The following YTHDF1 variants were observed in gnomAD, a reference collection of about 807,000 sequenced individuals.
The protein encoded by YTHDF1 is YTH domain-containing family protein 1.
YTHDF1 carries 16 observed loss-of-function variants against 49.1 expected under a neutral mutation model. The observed-to-expected ratio is 0.33, with a 90% CI of 0.22 to 0.49. The LOEUF (loss-of-function observed/expected upper bound fraction) is 0.49, where lower values mean the gene tolerates loss of function less well. YTHDF1 is among the 20% of genes least tolerant of loss of function. YTHDF1 has a pLI of 0.99. For synonymous variants in YTHDF1, 313 were observed against 290.1 expected (o/e 1.08, Z -0.80); for missense variants, 621 against 744.3 (o/e 0.83, Z 1.93).
At chr20:63,209,600 T>C (rs764264880) in intron 3 of YTHDF1, among the ~76,000 whole-genome samples, 35 of 151,810 alleles carry the variant, frequency 2.3e-4, no homozygotes, top group Non-Finnish European at 8.8e-5. Flanking sequence ...TGAGACCCCA[T>C]CTCTACAAAA....
At chr20:63,197,402 C>A (rs2066496880) in intron 4 of YTHDF1, among the ~76,000 whole-genome samples, 1 of 152,182 alleles carries the variant, frequency 6.6e-6, no homozygotes, top group Admixed American at 6.5e-5. Context: ...CTGCCCACTC[C>A]CGTAAGAGAA....
chr20:63,212,049 C>T (rs574490897), intron 3 of YTHDF1, among the ~76,000 whole-genome samples: 3 of 151,816 alleles, frequency 2.0e-5, no homozygotes, highest in East Asian at 1.9e-4. Flanking sequence ...CCTTTATTGG[C>T]TAAAATTCAG....
At position 63,202,681 on chromosome 20, in the gene YTHDF1, C is replaced by T; in HGVS notation, c.1259G>A (p.Arg420His). The change falls in exon 4 of 5, where the codon CGC becomes CAC. Residue 420 changes from arginine (R) to histidine (H), a missense_variant. Transcript: ENST00000370339. Reference protein sequence around the residue: ...IWCSTEHGNKRLDSAFRCMSS... With the variant: ...IWCSTEHGNKHLDSAFRCMSS... Reference sequence around the variant, plus strand: ...CATGCAGCGGAAGGCGCTGTCCAGGCGCTTGTTGCCGTGCTCTGTGCTACA... The same window carrying T: ...CATGCAGCGGAAGGCGCTGTCCAGGTGCTTGTTGCCGTGCTCTGTGCTACA... The T allele has an allele frequency of 6.2e-7, 1 of 1,614,016 alleles. No homozygotes were observed. The highest frequency in any genetic ancestry group is 8.5e-7 in the Non-Finnish European group (1 of 1,180,046).
At chr20:63,211,498 A>G (rs1165130756) in intron 3 of YTHDF1, among the ~76,000 whole-genome samples, 1 of 152,202 alleles carries the variant, frequency 6.6e-6, no homozygotes, top group Admixed American at 6.5e-5. Flanking sequence ...TGATATGCCC[A>G]CTATCTTAAC....
rs1224425784 is a variant in YTHDF1, at chr20:63,203,124, G to A, written c.816C>T (p.Gly272=). ...PPPIKHNMDI[G]TWDNKGPVPK... ...GCACAGGCCCCTTGTTATCCCAGGT[G>A]CCAATGTCCATGTTATGCTTTATGG... The change falls in exon 4 of 5, where the codon GGC becomes GGT. Residue 272 remains glycine (G), a synonymous_variant. Transcript: ENST00000370339. The surrounding 1 kb of genome is among the most constrained non-coding windows in gnomAD (Gnocchi z 4.4). 4.3e-6 allele frequency: 7 copies of A among 1,612,668 alleles called. No homozygotes were observed. The highest frequency in any genetic ancestry group is 1.3e-5 in the African/African-American group (1 of 74,894).
At chr20:63,201,548 G>A (rs1313294733) in intron 4 of YTHDF1, among the ~76,000 whole-genome samples, 1 of 152,216 alleles carries the variant, frequency 6.6e-6, no homozygotes, top group Non-Finnish European at 1.5e-5. Flanking sequence ...TCACATGACA[G>A]CACAGACTCA....
intron 2 of YTHDF1, 78 bp from the exon 3 acceptor site, chr20:63,214,021 G>C (rs888118508): frequency 7.9e-6 from 12 of 1,513,298 alleles, no homozygotes; most frequent in Non-Finnish European, 1.1e-5. Flanking sequence ...AGTTAGCAAA[G>C]TCTATTTCCA....
intron 3 of YTHDF1, among the ~76,000 whole-genome samples, chr20:63,213,457 G>GCC (rs2066585643): frequency 6.6e-6 from 1 of 152,132 alleles, no homozygotes; most frequent in African/African-American, 2.4e-5. Flanking sequence ...AACCCAGGCG[G>GCC]CCTCTGGCTC....
chr20:63,202,956 C>T lies in YTHDF1; in HGVS notation c.984G>A (p.Trp328Ter). ...CCGCGTTTCTGTTGCGTGGGGCAAC[C>T]CAGCGGGTCTGGGGTGGCTGCTGAG... ...QSPQQPPQTR[W>*]VAPRNRNAAF... The change falls in exon 4 of 5, where the codon TGG becomes TGA. Residue 328 changes from tryptophan (W) to a stop codon, truncating the protein, a stop_gained. Coordinates refer to ENST00000370339, the MANE Select transcript of YTHDF1 (RefSeq NM_017798.4). LOFTEE classifies it high-confidence loss of function. The T allele has an allele frequency of 6.2e-7, 1 of 1,614,002 alleles. No individual in the cohort carries two copies.
chr20:63,215,693 G>A, intron 1 of YTHDF1, 92 bp from the exon 2 acceptor site: 2 of 1,455,434 alleles, frequency 1.4e-6, no homozygotes, highest in Non-Finnish European at 1.8e-6. Context: ...TCTCCAACGG[G>A]CCGCGAGCTC....
intron 3 of YTHDF1, among the ~76,000 whole-genome samples, chr20:63,210,719 T>A (rs1388492543): frequency 6.6e-6 from 1 of 151,542 alleles, no homozygotes; most frequent in African/African-American, 2.4e-5. Flanking sequence ...GCCAGGGAGG[T>A]GGAGGCTGCA....
rs747220223 is a variant in YTHDF1, at chr20:63,203,241, C to T, written c.699G>A (p.Ser233=). The T allele has an allele frequency of 6.8e-6, 11 of 1,613,836 alleles. No individual in the cohort carries two copies. The highest frequency in any genetic ancestry group is 3.3e-5 in the Admixed American group (2 of 60,008). ...NVNMPVSKPT[S]WAAIASKPAK... ...CAGGCTTGCTGGCAATGGCAGCCCA[C>T]GAGGTCGGCTTTGAAACTGGCATGT... The change falls in exon 4 of 5, where the codon TCG becomes TCA. Residue 233 remains serine, a synonymous_variant. Transcript: ENST00000370339. This position sits in a 1 kb window ranked among gnomAD's most constrained non-coding sequence, Gnocchi z 4.4.
At position 63,211,799 on chromosome 20, in the gene YTHDF1, A is replaced by C. The variant is rs187265179; in HGVS notation, c.132+2065T>G. On this transcript the variant is annotated intron_variant, in intron 3 of 4. Coordinates refer to ENST00000370339, the MANE Select transcript of YTHDF1 (RefSeq NM_017798.4). Reference sequence around the variant, plus strand: ...AGAGACCCTGTGTCTACAACCAACCAATCAATCAATCACCAGGTGTAGTGG... The same window carrying C: ...AGAGACCCTGTGTCTACAACCAACCCATCAATCAATCACCAGGTGTAGTGG... Among the ~76,000 whole-genome samples, 15 of 152,150 alleles carry C rather than the reference A, an allele frequency of 9.9e-5. No homozygotes were observed. In the East Asian group the frequency reaches 2.9e-3, roughly 29 times the overall value.
intron 3 of YTHDF1, among the ~76,000 whole-genome samples, chr20:63,205,691 T>C (rs928941231): frequency 6.6e-6 from 1 of 152,116 alleles, no homozygotes; most frequent in African/African-American, 2.4e-5. Context: ...GTATTTTTAG[T>C]AGAGACAGGA....
chr20:63,203,466 C>T lies in YTHDF1; in HGVS notation c.474G>A (p.Leu158=), dbSNP rs779225850. The change falls in exon 4 of 5, where the codon CTG becomes CTA. Residue 158 remains leucine, a synonymous_variant. Transcript: ENST00000370339. This position sits in a 1 kb window ranked among gnomAD's most constrained non-coding sequence, Gnocchi z 4.4. ...GCTGCCCATCAACCACCGTGCCACC[C>T]AGGGAGCTCGGGGGGTAGGTGTAGC... ...GSSYTYPPSS[L]GGTVVDGQPG... 1.1e-5 allele frequency: 17 copies of T among 1,613,254 alleles called. No individual in the cohort carries two copies. Among genetic ancestry groups the T allele is most frequent in the Non-Finnish European group, 1.4e-5 (17 of 1,179,780 alleles).
intron 4 of YTHDF1, among the ~76,000 whole-genome samples, chr20:63,201,862 G>A (rs1461502351): frequency 6.6e-6 from 1 of 152,174 alleles, no homozygotes; most frequent in Non-Finnish European, 1.5e-5. Flanking sequence ...GATGCCCTAC[G>A]TGCCCACCGC....
At position 63,202,383 on chromosome 20, in the gene YTHDF1, C is replaced by T. The variant is rs999990194; in HGVS notation, c.1557G>A (p.Val519=). ...GCTTGTAGGAACTGATAATTTTCAG[C>T]ACTTGCTTGGCTTTTTCTAAGGGCA... ...QEVPLEKAKQ[V]LKIISSYKHT... Residue 519 remains valine (V), a synonymous_variant, in exon 4 of 5, where the codon GTG becomes GTA. Coordinates refer to ENST00000370339, the MANE Select transcript of YTHDF1 (RefSeq NM_017798.4). The T allele has an allele frequency of 6.2e-7, 1 of 1,614,152 alleles. No individual in the cohort carries two copies. Among genetic ancestry groups the T allele is most frequent in the East Asian group, 2.2e-5 (1 of 44,902 alleles).
intron 4 of YTHDF1, among the ~76,000 whole-genome samples, chr20:63,198,907 AG>A (rs1209356531): frequency 6.6e-6 from 1 of 152,238 alleles, no homozygotes; most frequent in African/African-American, 2.4e-5. Flanking sequence ...GGCCGTTTCT[AG>A]GTTTTTTTAA....
chr20:63,200,450 C>T (rs1355588609), intron 4 of YTHDF1, among the ~76,000 whole-genome samples: 5 of 152,138 alleles, frequency 3.3e-5, no homozygotes, highest in African/African-American at 7.2e-5. Flanking sequence ...TTAACACTGA[C>T]CCATATGGGC....
Sources: allele counts gnomAD v4.1 joint callset (sites outside exome capture counted in the v4.1 genomes callset), GRCh38; gene constraint gnomAD v4.1.1; non-coding constraint Gnocchi (gnomAD v3.1); transcripts MANE v1.5; gene names NCBI Gene and HGNC (gene_info 2026-07-23, HGNC 2026-07-21).